The following LAMP2 variants were observed in gnomAD, a reference collection of about 807,000 sequenced individuals.
LAMP2 encodes lysosome-associated membrane glycoprotein 2.
A neutral mutation model predicts 25.6 loss-of-function variants in LAMP2; 4 were observed. That is an observed-to-expected ratio of 0.16 (90% CI 0.08 to 0.36). The LOEUF (loss-of-function observed/expected upper bound fraction) is 0.36. Ranked by LOEUF, LAMP2 falls within the 10% of genes least tolerant of loss-of-function variation. LAMP2 has a pLI of 1.00. For missense variants in LAMP2, 272 were observed against 301.4 expected, an observed-to-expected ratio of 0.90 and a Z score of 0.72; for synonymous variants, 108 against 112.7, an observed-to-expected ratio of 0.96 and a Z score of 0.27.
chrX:120,429,318 G>C lies in LAMP2; in HGVS notation c.*2005C>G, dbSNP rs200014321. The C allele has an allele frequency of 4.7e-5, 33 of 708,255 alleles. 1 individual carries two copies. The East Asian group carries it at 5.1e-3, about 110-fold the overall frequency. The allele number at this position is 708,255 out of a possible 1,213,427, so 58.4% of individuals were successfully genotyped here. Reference sequence around the variant, plus strand: ...TTGAGTTCTGGATTCAGACAGAACTGTGTTTAAATCTTGACTCCTTCCAGT... The same window carrying C: ...TTGAGTTCTGGATTCAGACAGAACTCTGTTTAAATCTTGACTCCTTCCAGT... On this transcript the variant is annotated 3_prime_UTR_variant, in exon 9 of 9. Transcript: ENST00000200639.
chrX:120,461,032 T>C (rs1442949742), intron 1 of LAMP2, among the ~76,000 whole-genome samples: 1 of 112,661 alleles, frequency 8.9e-6, no homozygotes, highest in Admixed American at 9.4e-5. Flanking sequence ...TCCAGTGTGA[T>C]TCTATTACAA....
chrX:120,468,994 G>C, intron 1 of LAMP2, 112 bp downstream of exon 1: 1 of 882,013 alleles, frequency 1.1e-6, no homozygotes, highest in Non-Finnish European at 1.7e-6. Flanking sequence ...CCCAGTGTTA[G>C]CTGCTGAGCC....
intron 6 of LAMP2, among the ~76,000 whole-genome samples, chrX:120,444,121 T>A: frequency 9.0e-6 from 1 of 111,442 alleles, no homozygotes. Flanking sequence ...GAAGGTTAAG[T>A]TGATGTAGAA....
chrX:120,466,478 G>C (rs1276485648), intron 1 of LAMP2, among the ~76,000 whole-genome samples: 1 of 111,355 alleles, frequency 9.0e-6, no homozygotes, highest in Non-Finnish European at 1.9e-5. Flanking sequence ...TTGGCCCTCA[G>C]TAAGTGCTCC....
At position 120,428,452 on chromosome X, in the gene LAMP2, G is replaced by GA. The variant is rs761717112; in HGVS notation, c.*2870dup. 17 of 1,146,414 alleles carry GA rather than the reference G, an allele frequency of 1.5e-5. No individual in the cohort carries two copies. In the East Asian group the frequency reaches 2.2e-4, roughly 15 times the overall value. The allele number at this position is 1,146,414 out of a possible 1,213,427, so 94.5% of individuals were successfully genotyped here. ...GCCAATGGAAACGTAACTTCTAATT[G>GA]AAAAAAACAAACAAACACTAGATTT... On this transcript the variant is annotated 3_prime_UTR_variant, in exon 9 of 9. Transcript: ENST00000200639.
rs1312008788 is a variant in LAMP2 at position 120,427,099 on chromosome X, T to C, written c.*4224A>G. ...CTTCTGCATTGTGCTGAGAGGTAGA[T>C]TGGGACTTAATCCTTGGAATGAATA... On this transcript the variant is annotated 3_prime_UTR_variant, in exon 9 of 9. Transcript: ENST00000200639. 8.9e-6 allele frequency among the ~76,000 whole-genome samples: 1 copy of C among 111,958 alleles called. No homozygotes were observed.
At position 120,455,543 on chromosome X, in the gene LAMP2, T is replaced by C. The variant is rs747390282; in HGVS notation, c.211A>G (p.Thr71Ala). 3.3e-6 allele frequency: 4 copies of C among 1,206,017 alleles called. No individual in the cohort carries two copies. Among genetic ancestry groups the C allele is most frequent in the East Asian group, 3.0e-5 (1 of 33,722 alleles). Residue 71 changes from threonine to alanine, a missense_variant, in exon 3 of 9, where the codon ACT (threonine) becomes GCT (alanine). Transcript: ENST00000200639. ...YKTVTISDHGTVTYNGSICGD... is the reference protein window; with the variant it reads ...YKTVTISDHGAVTYNGSICGD... The stretch of plus-strand genomic sequence containing the variant: ...CAAATGCTTCCATTATATGTCACAG[T>C]GCCATGGTCTGAAATGGTTACAGTT...
chrX:120,439,500 G>A (rs904739157), intron 8 of LAMP2, among the ~76,000 whole-genome samples: 3 of 95,544 alleles, frequency 3.1e-5, no homozygotes, highest in Non-Finnish European at 5.7e-5. Flanking sequence ...CCTTTCATTT[G>A]TTTATGTGTA....
intron 1 of LAMP2, among the ~76,000 whole-genome samples, chrX:120,458,294 A>C (rs759962692): frequency 1.5e-4 from 17 of 112,189 alleles, no homozygotes; most frequent in African/African-American, 5.2e-4. Context: ...ATTACCAAGA[A>C]AAGCCTCACA....
chrX:120,447,118 G>T (rs769779714), intron 5 of LAMP2, among the ~76,000 whole-genome samples: 7 of 112,367 alleles, frequency 6.2e-5, no homozygotes, highest in Non-Finnish European at 1.1e-4. Context: ...ATTTAAAACT[G>T]AATCAGGCTG....
At chrX:120,434,445 C>G (rs5956218) in intron 8 of LAMP2, among the ~76,000 whole-genome samples, 1 of 111,439 alleles carries the variant, frequency 9.0e-6, no homozygotes, top group African/African-American at 3.3e-5. Context: ...TGAATTCAAC[C>G]TTTAAAAATT....
intron 8 of LAMP2, chrX:120,439,176 T>A (rs1161067443): frequency 8.3e-7 from 1 of 1,208,851 alleles, no homozygotes; most frequent in Non-Finnish European, 1.1e-6. Flanking sequence ...ATATCCAGCA[T>A]AACTTTTTCT....
At chrX:120,444,407 C>T (rs753545400) in intron 6 of LAMP2, among the ~76,000 whole-genome samples, 1 of 111,897 alleles carries the variant, frequency 8.9e-6, no homozygotes, top group South Asian at 3.8e-4. Context: ...ACTCCTCATT[C>T]TCCCAGCTGG....
At chrX:120,456,053 G>A (rs1921082707) in intron 2 of LAMP2, among the ~76,000 whole-genome samples, 2 of 99,571 alleles carry the variant, frequency 2.0e-5, no homozygotes, top group Admixed American at 1.1e-4. Flanking sequence ...TTTTTTTTGA[G>A]ATAGAGTCTC....
rs748973280 is a variant in LAMP2, at chrX:120,435,143, AAAAC to A, written c.1094-3685_1094-3682del. ...AGCGAGACTCCATCTCAAACAAAACAAAACAAACAAACAAACGAGTCAAAACTTC... is the reference window on the plus strand; with the variant it reads ...AGCGAGACTCCATCTCAAACAAAACAAAACAAACAAACGAGTCAAAACTTC... On this transcript the variant is annotated intron_variant, in intron 8 of 8. Transcript: ENST00000200639. Among the ~76,000 whole-genome samples, 164 of 112,105 alleles carry A rather than the reference AAAAC, an allele frequency of 1.5e-3. 3 individuals carry two copies. Among genetic ancestry groups the A allele is most frequent in the Middle Eastern group, 0.014 (3 of 218 alleles).
intron 1 of LAMP2, among the ~76,000 whole-genome samples, chrX:120,462,140 A>G (rs1295057322): frequency 1.8e-5 from 2 of 111,734 alleles, no homozygotes; most frequent in African/African-American, 6.5e-5. Flanking sequence ...TAAATAAAAG[A>G]AAAAGGTATG....
At chrX:120,469,018 C>G (rs1448367607) in intron 1 of LAMP2, 88 bp downstream of exon 1, 1 of 1,014,411 alleles carries the variant, frequency 9.9e-7, no homozygotes, top group Non-Finnish European at 1.4e-6. Context: ...CAACCCCCTC[C>G]CCCTCGGACC....
chrX:120,455,302 T>C, intron 3 of LAMP2, 55 bp downstream of exon 3: 1 of 979,689 alleles, frequency 1.0e-6, no homozygotes, highest in South Asian at 1.9e-5. Context: ...TTGTTTACAT[T>C]TTTATCATTA....
chrX:120,452,101 T>G (rs1313160962), intron 3 of LAMP2, among the ~76,000 whole-genome samples: 2 of 110,856 alleles, frequency 1.8e-5, no homozygotes, highest in Non-Finnish European at 3.8e-5. Flanking sequence ...GCCTCCTCAC[T>G]TCTCAACTAA....
Sources: gnomAD v4.1 joint callset for allele counts (sites outside exome capture counted in the v4.1 genomes callset) on GRCh38, gnomAD v4.1.1 for gene constraint, MANE v1.5 for transcripts, NCBI Gene and HGNC (gene_info 2026-07-23, HGNC 2026-07-21) for gene names.